WDFY1: variants seen among roughly 807,000 people sequenced by gnomAD.
The protein encoded by WDFY1 is WD repeat and FYVE domain-containing protein 1.
A neutral mutation model predicts 56.4 loss-of-function variants in WDFY1; 32 were observed. That is an observed-to-expected ratio of 0.57 (90% CI 0.43 to 0.76). The LOEUF is 0.76. WDFY1 is among the 30% of genes least tolerant of loss of function. The probability of loss-of-function intolerance (pLI) is 0.00; values close to 1 mark genes in which losing one functional copy is unlikely to be tolerated. For missense variants in WDFY1, 480 were observed against 545.7 expected (o/e 0.88, Z 1.20); for synonymous variants, 192 against 197.3 (o/e 0.97, Z 0.23).
chr2:223,905,135 A>G (rs1015178645), intron 4 of WDFY1, among the ~76,000 whole-genome samples: 2 of 152,252 alleles, frequency 1.3e-5, no homozygotes, highest in African/African-American at 4.8e-5. Flanking sequence ...AACAGGAAAA[A>G]GAAATTATGA....
In WDFY1 at chr2:223,914,611, T is replaced by A. The variant is rs191163339; in HGVS notation, c.206-2285A>T. Among the ~76,000 whole-genome samples the A allele has an allele frequency of 1.5e-3, 231 of 152,316 alleles. 3 individuals carry two copies. The highest frequency in any genetic ancestry group is 0.013 in the Admixed American group (192 of 15,300). Reference sequence around the variant, plus strand: ...CTGTCTGGCCCTTTGCATAAAAAGTTTGTAGACCTACCCATCACTGTGGTG... The same window carrying A: ...CTGTCTGGCCCTTTGCATAAAAAGTATGTAGACCTACCCATCACTGTGGTG... On this transcript the variant is annotated intron_variant, in intron 2 of 11. Coordinates refer to ENST00000233055, the MANE Select transcript of WDFY1 (RefSeq NM_020830.5).
chr2:223,937,885 C>T (rs1689226075), intron 1 of WDFY1, among the ~76,000 whole-genome samples: 1 of 152,128 alleles, frequency 6.6e-6, no homozygotes, highest in African/African-American at 2.4e-5. Flanking sequence ...GCTATGCCAG[C>T]CTTCCTCCCA....
At position 223,945,297 on chromosome 2, in the gene WDFY1, A is replaced by ACT. The variant is rs1436909653; in HGVS notation, c.-15_-14dup. 6.4e-7 allele frequency: 1 copy of ACT among 1,562,780 alleles called. No individual in the cohort carries two copies. The highest frequency in any genetic ancestry group is 1.1e-5 in the South Asian group (1 of 87,452). ...TTTCGGCCGCCATGTTCGCGCGGCG[A>ACT]CTGCTGCGGCCTCCTCGGCAGGCAG... is the stretch of plus-strand genomic sequence containing the variant. On this transcript the variant is annotated 5_prime_UTR_variant, in exon 1 of 12. Coordinates refer to ENST00000233055, the MANE Select transcript of WDFY1 (RefSeq NM_020830.5).
intron 4 of WDFY1, 152 bp from the exon 5 acceptor site, chr2:223,901,485 C>A (rs1693507379): frequency 2.2e-6 from 2 of 928,554 alleles, no homozygotes; most frequent in Non-Finnish European, 3.1e-6. Flanking sequence ...ATATTTCAGA[C>A]AACCCGCCCC....
Position 223,878,599 on chromosome 2 carries a change from T to C in WDFY1, c.*72A>G. ...ACTGTCCATTCACGAGACAGCGCTG[T>C]GGAGCTGCGTGAGAGGGACTTCATT... On this transcript the variant is annotated 3_prime_UTR_variant, in exon 12 of 12. Transcript: ENST00000233055. The C allele has an allele frequency of 1.7e-6, 2 of 1,156,412 alleles. No individual in the cohort carries two copies. Among genetic ancestry groups the C allele is most frequent in the Non-Finnish European group, 2.6e-6 (2 of 770,870 alleles). 71.6% of individuals were successfully genotyped at this position (1,156,412 alleles called of 1,614,324 possible). A position where few individuals can be genotyped will look rare whatever the true frequency, so the allele number is the denominator to read the frequency against.
intron 1 of WDFY1, among the ~76,000 whole-genome samples, chr2:223,937,446 T>C (rs1689211589): frequency 1.3e-5 from 2 of 152,274 alleles, no homozygotes; most frequent in South Asian, 2.1e-4. Context: ...ATGAAAACAA[T>C]AACAACTAAC....
At chr2:223,936,857 A>G (rs1268595881) in intron 1 of WDFY1, among the ~76,000 whole-genome samples, 2 of 152,248 alleles carry the variant, frequency 1.3e-5, no homozygotes, top group African/African-American at 4.8e-5. Flanking sequence ...AGCTTCCCTG[A>G]TAAACAATAT....
At chr2:223,929,752 T>G (rs937303403) in intron 1 of WDFY1, among the ~76,000 whole-genome samples, 1 of 152,150 alleles carries the variant, frequency 6.6e-6, no homozygotes, top group African/African-American at 2.4e-5. Context: ...CATTTTACAC[T>G]TAAGGAAGCA....
intron 1 of WDFY1, among the ~76,000 whole-genome samples, chr2:223,921,573 T>C (rs1340135888): frequency 1.3e-5 from 2 of 152,134 alleles, no homozygotes; most frequent in South Asian, 2.1e-4. Context: ...AAGATATGTA[T>C]AGATATTTGA....
At chr2:223,899,726 G>GT (rs1470832027) in intron 5 of WDFY1, among the ~76,000 whole-genome samples, 1 of 151,970 alleles carries the variant, frequency 6.6e-6, no homozygotes, top group African/African-American at 2.4e-5. Context: ...TCCAGCCTGG[G>GT]TGACAGTGCA....
chr2:223,879,883 G>A (rs1447975586), intron 11 of WDFY1, among the ~76,000 whole-genome samples: 1 of 152,180 alleles, frequency 6.6e-6, no homozygotes, highest in Non-Finnish European at 1.5e-5. Context: ...CACCCATAGG[G>A]ATATACAGGG....
intron 1 of WDFY1, among the ~76,000 whole-genome samples, chr2:223,931,882 C>T (rs1420595287): frequency 4.0e-5 from 6 of 151,876 alleles, no homozygotes; most frequent in South Asian, 2.1e-4. Flanking sequence ...GACAGGGTTT[C>T]GCCATGTTGG....
At chr2:223,934,417 A>C (rs1694135583) in intron 1 of WDFY1, among the ~76,000 whole-genome samples, 1 of 152,086 alleles carries the variant, frequency 6.6e-6, no homozygotes, top group South Asian at 2.1e-4. Flanking sequence ...ATTACGTTCC[A>C]TGCTTCTTTT....
At chr2:223,918,802 T>C (rs1693838705) in intron 1 of WDFY1, among the ~76,000 whole-genome samples, 1 of 151,940 alleles carries the variant, frequency 6.6e-6, no homozygotes, top group South Asian at 2.1e-4. Context: ...AGGAGTGGCA[T>C]GGAGAGGGGC....
chr2:223,924,565 T>C (rs1156568096), intron 1 of WDFY1, among the ~76,000 whole-genome samples: 2 of 152,278 alleles, frequency 1.3e-5, no homozygotes, highest in East Asian at 3.9e-4. Context: ...GGTTTCACCA[T>C]GTTGGCCAGG....
At chr2:223,939,189 T>C (rs1434564555) in intron 1 of WDFY1, among the ~76,000 whole-genome samples, 2 of 152,210 alleles carry the variant, frequency 1.3e-5, no homozygotes, top group Non-Finnish European at 2.9e-5. Flanking sequence ...AGGCCCCACC[T>C]GACTTTCCAA....
intron 2 of WDFY1, among the ~76,000 whole-genome samples, chr2:223,914,662 T>C (rs2106090595): frequency 6.6e-6 from 1 of 152,348 alleles, no homozygotes; most frequent in South Asian, 2.1e-4. Context: ...GAGTCATAGA[T>C]GAGCATGGAT....
intron 3 of WDFY1, among the ~76,000 whole-genome samples, chr2:223,910,575 T>C (rs1693680164): frequency 1.3e-5 from 2 of 151,954 alleles, no homozygotes; most frequent in East Asian, 1.9e-4. Context: ...AAATACTCTA[T>C]TAAAAATGGG....
rs751359850 is a variant in WDFY1 at position 223,895,557 on chromosome 2, G to C, written c.672C>G (p.Ile224Met). The C allele has an allele frequency of 1.9e-6, 3 of 1,613,950 alleles. No individual in the cohort carries two copies. The Admixed American group carries it at 5.0e-5, about 27-fold the overall frequency. ...LFSGASDNSIIMWDIGGRKGR... is the reference protein window; with the variant it reads ...LFSGASDNSIMMWDIGGRKGR... ...CTTTCCTTCCTCCGATGTCCCACAT[G>C]ATGATGCTGTTGTCAGATGCTCCTG... Residue 224 changes from isoleucine (I) to methionine (M), a missense_variant, in exon 7 of 12, where the codon ATC becomes ATG. Transcript: ENST00000233055.
Sources: allele counts gnomAD v4.1 joint callset (sites outside exome capture counted in the v4.1 genomes callset), GRCh38; gene constraint gnomAD v4.1.1; transcripts MANE v1.5; gene names NCBI Gene and HGNC (gene_info 2026-07-23, HGNC 2026-07-21).